The following NCAM1 variants were observed in gnomAD, a reference collection of about 807,000 sequenced individuals.
The protein encoded by NCAM1 is antigen recognized by monoclonal antibody 5.1H11.
A neutral mutation model predicts 109.8 loss-of-function variants in NCAM1; 14 were observed. That is an observed-to-expected ratio of 0.13 (90% CI 0.08 to 0.20). The LOEUF (loss-of-function observed/expected upper bound fraction) is 0.20, where lower values mean the gene tolerates loss of function less well. NCAM1 is among the 10% of genes least tolerant of loss of function. NCAM1 has a pLI of 1.00. For synonymous variants in NCAM1, 418 were observed against 442.9 expected (o/e 0.94, Z 0.70); for missense variants, 774 against 1,109.9 (o/e 0.70, Z 4.30).
At chr11:113,103,762 C>T (rs1386412412) in intron 1 of NCAM1, among the ~76,000 whole-genome samples, 7 of 152,156 alleles carry the variant, frequency 4.6e-5, no homozygotes, top group Non-Finnish European at 1.5e-5. Flanking sequence ...GTCTCTGCCA[C>T]AGCTGCTCAA....
chr11:113,013,750 A>G (rs1388668351), intron 1 of NCAM1, among the ~76,000 whole-genome samples: 47 of 152,244 alleles, frequency 3.1e-4, no homozygotes, highest in Admixed American at 2.9e-3. Context: ...TAAAGTCAAT[A>G]TTAGCCAAGT....
At chr11:113,078,884 G>A (rs1938655234) in intron 1 of NCAM1, among the ~76,000 whole-genome samples, 1 of 152,112 alleles carries the variant, frequency 6.6e-6, no homozygotes, top group Admixed American at 6.6e-5. Flanking sequence ...TTTTTGCATG[G>A]CAACTTGAGT....
In NCAM1 at chr11:113,260,178, C is replaced by T. The variant is rs368661272; in HGVS notation, c.1986C>T (p.Leu662=). ...LSSEWKPEIR[L]PSGSDHVMLK... ...CCGAGTGGAAACCAGAGATCAGGCT[C>T]CCGTCTGGCAGTGACCACGTCATGC... Residue 662 remains leucine, a synonymous_variant, in exon 17 of 20, where the codon CTC becomes CTT. Coordinates refer to ENST00000316851, the MANE Select transcript of NCAM1 (RefSeq NM_181351.5). The T allele has an allele frequency of 3.4e-5, 55 of 1,613,654 alleles. No individual in the cohort carries two copies. Among genetic ancestry groups the T allele is most frequent in the East Asian group, 3.1e-4 (14 of 44,864 alleles).
chr11:113,192,829 C>T (rs528002898), intron 1 of NCAM1, among the ~76,000 whole-genome samples: 7 of 152,148 alleles, frequency 4.6e-5, no homozygotes, highest in Non-Finnish European at 7.4e-5. Flanking sequence ...TGGAGATAAG[C>T]GTCAGGTCCT....
Position 113,214,395 on chromosome 11 carries a change from A to G in NCAM1, c.943A>G (p.Asn315Asp). 6.2e-7 allele frequency: 1 copy of G among 1,613,988 alleles called. No individual in the cohort carries two copies. The highest frequency in any genetic ancestry group is 1.7e-5 in the Admixed American group (1 of 60,024). The change falls in exon 8 of 20, where the codon AAC becomes GAC. Residue 315 changes from asparagine to aspartate, a missense_variant. By Grantham distance (23) the Asn-to-Asp change is conservative. Around this residue, in one of 4 missense-constraint regions of NCAM1, gnomAD observed 523 missense variants for 784.2 expected, o/e 0.67. Transcript: ENST00000316851. ...FAKPKITYVE[N>D]QTAMELEEQV... ...AAAACCCAAAATCACATATGTAGAGAACCAGACTGCCATGGAATTAGAGGA... is the reference window on the plus strand; with the variant it reads ...AAAACCCAAAATCACATATGTAGAGGACCAGACTGCCATGGAATTAGAGGA...
intron 1 of NCAM1, among the ~76,000 whole-genome samples, chr11:113,111,856 T>A (rs1481757239): frequency 6.6e-6 from 1 of 152,224 alleles, no homozygotes; most frequent in Non-Finnish European, 1.5e-5. Context: ...TAATCATTCA[T>A]CTCTATCATT....
chr11:113,138,171 T>C (rs553398884), intron 1 of NCAM1, among the ~76,000 whole-genome samples: 1 of 152,264 alleles, frequency 6.6e-6, no homozygotes, highest in South Asian at 2.1e-4. Context: ...GAATATAAAA[T>C]CGACCATGGA....
At chr11:113,228,597 G>A (rs1944915243) in intron 9 of NCAM1, among the ~76,000 whole-genome samples, 1 of 152,092 alleles carries the variant, frequency 6.6e-6, no homozygotes, top group Non-Finnish European at 1.5e-5. Flanking sequence ...AAGTTCATAT[G>A]GAACCAAAAA....
At chr11:113,032,543 ACTT>A (rs1952753626) in intron 1 of NCAM1, among the ~76,000 whole-genome samples, 2 of 152,218 alleles carry the variant, frequency 1.3e-5, no homozygotes, top group Non-Finnish European at 2.9e-5. Context: ...CATTGCCCCC[ACTT>A]ACCTGCAAGG....
chr11:113,256,838 T>A (rs1483693036), intron 16 of NCAM1, among the ~76,000 whole-genome samples: 12 of 152,246 alleles, frequency 7.9e-5, no homozygotes, highest in African/African-American at 2.9e-4. Flanking sequence ...GCACTGAGAA[T>A]AACCTCTTGC....
At chr11:113,259,201 G>A (rs1032519397) in intron 16 of NCAM1, among the ~76,000 whole-genome samples, 1 of 151,580 alleles carries the variant, frequency 6.6e-6, no homozygotes, top group Non-Finnish European at 1.5e-5. Flanking sequence ...ACAGGCGCCC[G>A]CCACTACGCC....
rs142326305 is a variant in NCAM1 at position 113,021,676 on chromosome 11, G to A, written c.52+60012G>A. 6.6e-5 allele frequency among the ~76,000 whole-genome samples: 10 copies of A among 152,268 alleles called. No homozygotes were observed. The East Asian group carries it at 1.5e-3, about 24-fold the overall frequency. On this transcript the variant is annotated intron_variant, in intron 1 of 19. Transcript: ENST00000316851. The stretch of plus-strand genomic sequence containing the variant: ...AAAATGCAACTAATAATGCCACAGC[G>A]ATTTTCCCATTGTCATGTCACTAAA...
chr11:113,125,498 G>A (rs1228476700), intron 1 of NCAM1, among the ~76,000 whole-genome samples: 2 of 152,220 alleles, frequency 1.3e-5, no homozygotes, highest in African/African-American at 4.8e-5. Context: ...TATCAAAACT[G>A]CAGCAGAGAT....
chr11:113,237,897 GAT>G (rs1565521217), intron 14 of NCAM1, among the ~76,000 whole-genome samples: 1 of 84,720 alleles, frequency 1.2e-5, no homozygotes, highest in Non-Finnish European at 2.3e-5. Flanking sequence ...TATAGATATA[GAT>G]ATATAGATAT....
chr11:113,239,660 T>C (rs1166649739), intron 14 of NCAM1, among the ~76,000 whole-genome samples: 3 of 152,180 alleles, frequency 2.0e-5, no homozygotes, highest in African/African-American at 7.2e-5. Context: ...ATTTTTGTTT[T>C]CATATGTTGT....
At chr11:113,195,910 GGTGTGT>G (rs58873545) in intron 1 of NCAM1, among the ~76,000 whole-genome samples, 15 of 148,486 alleles carry the variant, frequency 1.0e-4, no homozygotes, top group East Asian at 7.9e-4. Flanking sequence ...TTGTTTGCAG[GGTGTGT>G]GTGTGTGTGT....
At chr11:113,008,688 A>T (rs533900990) in intron 1 of NCAM1, among the ~76,000 whole-genome samples, 1 of 152,304 alleles carries the variant, frequency 6.6e-6, no homozygotes, top group East Asian at 1.9e-4. Context: ...AAATCATATC[A>T]TCTGGAGGTT....
At chr11:113,094,467 G>A (rs138962479) in intron 1 of NCAM1, among the ~76,000 whole-genome samples, 1 of 152,238 alleles carries the variant, frequency 6.6e-6, no homozygotes, top group East Asian at 1.9e-4. Context: ...CTTCCTCATT[G>A]TCATAGAACA....
intron 15 of NCAM1, among the ~76,000 whole-genome samples, chr11:113,252,099 T>G (rs1945695240): frequency 6.6e-6 from 1 of 152,180 alleles, no homozygotes; most frequent in East Asian, 1.9e-4. Context: ...TGATATTAGT[T>G]GAATATGAGC....
Sources: allele counts gnomAD v4.1 joint callset (sites outside exome capture counted in the v4.1 genomes callset), GRCh38; gene constraint gnomAD v4.1.1; regional missense constraint gnomAD v4.1.1; transcripts MANE v1.5; gene names NCBI Gene and HGNC (gene_info 2026-07-23, HGNC 2026-07-21).